C3orf20: variants seen among roughly 807,000 people sequenced by gnomAD.
C3orf20 encodes the protein uncharacterized protein C3orf20.
A neutral mutation model predicts 88.3 loss-of-function variants in C3orf20; 76 were observed. That is an observed-to-expected ratio of 0.86 (90% CI 0.72 to 1.04). The LOEUF is 1.04. Among genes scored for constraint, C3orf20 ranks in the 50% least tolerant of loss-of-function variants. The pLI is 0.00. For missense variants in C3orf20, 1,056 were observed against 1,123.3 expected (o/e 0.94, Z 0.86); for synonymous variants, 436 against 437.4 (o/e 1.00, Z 0.04).
chr3:14,718,379 A>C (rs2034018936), intron 9 of C3orf20, among the ~76,000 whole-genome samples: 1 of 152,164 alleles, frequency 6.6e-6, no homozygotes, highest in Admixed American at 6.5e-5. Context: ...CAGCTCTAGA[A>C]TTTCCACTTA....
intron 9 of C3orf20, 108 bp from the exon 10 acceptor site, chr3:14,721,545 A>G: frequency 6.2e-6 from 9 of 1,456,080 alleles, no homozygotes; most frequent in South Asian, 2.7e-5. Flanking sequence ...GCTCTTACAA[A>G]TCTTCTGCCC....
intron 12 of C3orf20, among the ~76,000 whole-genome samples, chr3:14,740,694 T>C (rs1189380474): frequency 6.6e-6 from 1 of 152,196 alleles, no homozygotes; most frequent in Non-Finnish European, 1.5e-5. Context: ...ATTTCATCTT[T>C]TTTTTTCCCT....
Position 14,760,010 on chromosome 3 carries a change from G to A in C3orf20, c.2352+12G>A, listed in dbSNP as rs375581549. On this transcript the variant is annotated intron_variant, in intron 14 of 16. Transcript: ENST00000253697. ...AGGGGATGATTCTGGTGAGCCAGCA[G>A]GGACTTGCTATCCACTGCCTGCCAC... 7.5e-6 allele frequency: 12 copies of A among 1,603,942 alleles called. No individual in the cohort carries two copies. The highest frequency in any genetic ancestry group is 1.7e-5 in the Admixed American group (1 of 59,960).
chr3:14,710,337 A>G (rs1176744068), intron 7 of C3orf20, among the ~76,000 whole-genome samples: 2 of 151,596 alleles, frequency 1.3e-5, no homozygotes, highest in Admixed American at 1.3e-4. Context: ...TCTATTCTCA[A>G]TTCTGTTTTT....
intron 4 of C3orf20, among the ~76,000 whole-genome samples, chr3:14,685,836 G>T (rs1188644606): frequency 7.5e-6 from 1 of 133,048 alleles, no homozygotes. Context: ...CACTTATGTT[G>T]TAGCAAATGG....
At chr3:14,757,871 C>T (rs900636747) in intron 13 of C3orf20, among the ~76,000 whole-genome samples, 197 bp downstream of exon 13, 1 of 152,202 alleles carries the variant, frequency 6.6e-6, no homozygotes, top group Non-Finnish European at 1.5e-5. Flanking sequence ...CTGTCCTTCC[C>T]GCTCATCCTC....
chr3:14,732,135 T>G (rs570789099), intron 12 of C3orf20, among the ~76,000 whole-genome samples: 2 of 152,382 alleles, frequency 1.3e-5, no homozygotes, highest in Non-Finnish European at 2.9e-5. Context: ...TTCCAATTGC[T>G]CCAAATCTTT....
At chr3:14,706,125 G>T (rs935045689) in intron 7 of C3orf20, among the ~76,000 whole-genome samples, 1 of 152,124 alleles carries the variant, frequency 6.6e-6, no homozygotes, top group East Asian at 1.9e-4. Context: ...ACCAGGCTCT[G>T]CTGGCAGCAG....
chr3:14,723,256 G>A (rs751142821), intron 10 of C3orf20, among the ~76,000 whole-genome samples: 4 of 152,216 alleles, frequency 2.6e-5, no homozygotes, highest in Non-Finnish European at 4.4e-5. Flanking sequence ...CCCAGCAAGG[G>A]CAACCAACCC....
intron 12 of C3orf20, among the ~76,000 whole-genome samples, chr3:14,751,313 G>T (rs2035212697): frequency 6.6e-6 from 1 of 152,158 alleles, no homozygotes; most frequent in South Asian, 2.1e-4. Flanking sequence ...TGACATAGAA[G>T]ATGGGTGATT....
At chr3:14,725,869 G>GA (rs34447337) in intron 10 of C3orf20, among the ~76,000 whole-genome samples, 2,304 of 132,452 alleles carry the variant, frequency 0.017, 33 homozygotes, top group East Asian at 0.044. Context: ...CAAAGGCAGT[G>GA]AAAAAAAAAA....
At position 14,773,031 on chromosome 3, in the gene C3orf20, G is replaced by C; in HGVS notation, c.*156G>C. ...GCATTGGGGTGAGGCTCTGGGGAAG[G>C]ACAGACCCAGCTCATTCTGTCTTCT... On this transcript the variant is annotated 3_prime_UTR_variant, in exon 17 of 17. Coordinates refer to ENST00000253697, the MANE Select transcript of C3orf20 (RefSeq NM_032137.5). 3.2e-6 allele frequency: 2 copies of C among 631,730 alleles called. No individual in the cohort carries two copies. The highest frequency in any genetic ancestry group is 5.7e-6 in the Non-Finnish European group (2 of 348,320). 39.1% of individuals were successfully genotyped at this position (631,730 alleles called of 1,614,324 possible).
chr3:14,715,464 G>T (rs2033904469), intron 9 of C3orf20, 55 bp downstream of exon 9: 2 of 1,572,102 alleles, frequency 1.3e-6, no homozygotes, highest in Admixed American at 1.7e-5. Context: ...CACAGGGAGG[G>T]TCTGGGCATC....
chr3:14,694,660 T>C (rs1459688739), intron 5 of C3orf20, among the ~76,000 whole-genome samples: 1 of 152,166 alleles, frequency 6.6e-6, no homozygotes, highest in Non-Finnish European at 1.5e-5. Context: ...TGATCTCTTG[T>C]ATTGTTTTCC....
rs567315442 is a variant in C3orf20 at position 14,763,210 on chromosome 3, A to G, written c.2495+1595A>G. On this transcript the variant is annotated intron_variant, in intron 15 of 16. Transcript: ENST00000253697. ...GACCAGCAAGGGCATTTTCAGAAAC[A>G]TTCAGAAGAAGGCTAGCCTGCTATG... 7.2e-5 allele frequency among the ~76,000 whole-genome samples: 11 copies of G among 152,294 alleles called. No homozygotes were observed. In the South Asian group the frequency reaches 2.1e-3, roughly 29 times the overall value.
At chr3:14,718,589 G>T (rs1415458203) in intron 9 of C3orf20, among the ~76,000 whole-genome samples, 2 of 152,070 alleles carry the variant, frequency 1.3e-5, no homozygotes, top group Non-Finnish European at 2.9e-5. Context: ...ACACTTCACT[G>T]GTTCTTCACA....
At chr3:14,753,523 T>G (rs1412204517) in intron 12 of C3orf20, among the ~76,000 whole-genome samples, 1 of 152,234 alleles carries the variant, frequency 6.6e-6, no homozygotes, top group East Asian at 1.9e-4. Flanking sequence ...TGATTTAAAA[T>G]CTTTGTCTAG....
intron 12 of C3orf20, among the ~76,000 whole-genome samples, chr3:14,756,813 G>A (rs556886551): frequency 6.3e-4 from 96 of 152,330 alleles, no homozygotes; most frequent in Non-Finnish European, 1.2e-3. Context: ...AGGGACTTTG[G>A]CTTTTATTCT....
At chr3:14,739,538 T>C (rs1228822683) in intron 12 of C3orf20, among the ~76,000 whole-genome samples, 1 of 152,246 alleles carries the variant, frequency 6.6e-6, no homozygotes, top group African/African-American at 2.4e-5. Context: ...TAAATGAGCA[T>C]TGGCTTTAGC....
Sources: gnomAD v4.1 joint callset for allele counts (sites outside exome capture counted in the v4.1 genomes callset) on GRCh38, gnomAD v4.1.1 for gene constraint, MANE v1.5 for transcripts, NCBI Gene and HGNC (gene_info 2026-07-23, HGNC 2026-07-21) for gene names.